DPYD: variants seen among roughly 807,000 people sequenced by gnomAD.
DPYD encodes dihydropyrimidine dehydrogenase.
DPYD carries 109 observed loss-of-function variants against 116.2 expected under a neutral mutation model. The observed-to-expected ratio is 0.94, with a 90% CI of 0.80 to 1.10. DPYD has a LOEUF of 1.10. DPYD is among the 50% of genes least tolerant of loss of function. DPYD has a pLI of 0.00. For synonymous variants in DPYD, 440 were observed against 432.0 expected, an observed-to-expected ratio of 1.02 and a Z score of -0.23; for missense variants, 1,302 against 1,254.5, an observed-to-expected ratio of 1.04 and a Z score of -0.57.
chr1:97,694,461 CTTAGGACT>C (rs1661190033), intron 6 of DPYD, among the ~76,000 whole-genome samples: 1 of 152,140 alleles, frequency 6.6e-6, no homozygotes. Context: ...GGGGAAATGT[CTTAGGACT>C]TTAAAATATC....
chr1:97,886,270 C>G (rs150857637), intron 1 of DPYD, among the ~76,000 whole-genome samples: 31 of 152,140 alleles, frequency 2.0e-4, no homozygotes, highest in South Asian at 4.1e-4. Flanking sequence ...ATGGTATCTC[C>G]CAGAGAGGGG....
At chr1:97,777,709 C>G (rs1353948234) in intron 3 of DPYD, among the ~76,000 whole-genome samples, 1 of 152,094 alleles carries the variant, frequency 6.6e-6, no homozygotes, top group East Asian at 1.9e-4. Context: ...TTTAAAAATG[C>G]TTTAATGTTG....
At chr1:97,235,774 G>T (rs1000519735) in intron 18 of DPYD, among the ~76,000 whole-genome samples, 1 of 152,080 alleles carries the variant, frequency 6.6e-6, no homozygotes, top group East Asian at 1.9e-4. Context: ...AAAAAGGCAA[G>T]GTGCTGATGA....
intron 14 of DPYD, among the ~76,000 whole-genome samples, chr1:97,390,504 A>C (rs1401096769): frequency 6.6e-6 from 1 of 152,062 alleles, no homozygotes; most frequent in African/African-American, 2.4e-5. Flanking sequence ...GATTGGTGCA[A>C]TATTCCTGAA....
intron 12 of DPYD, among the ~76,000 whole-genome samples, chr1:97,547,127 G>T (rs1650955253): frequency 2.0e-5 from 3 of 152,042 alleles, no homozygotes; most frequent in Admixed American, 1.3e-4. Context: ...GCAGTGCCTT[G>T]GTACAACCTG....
intron 3 of DPYD, among the ~76,000 whole-genome samples, chr1:97,757,848 G>A (rs1665334168): frequency 6.6e-6 from 1 of 152,182 alleles, no homozygotes; most frequent in South Asian, 2.1e-4. Context: ...CCAAGGGGAT[G>A]TAGATGGTAC....
intron 13 of DPYD, among the ~76,000 whole-genome samples, chr1:97,456,349 T>C (rs957785971): frequency 1.3e-5 from 2 of 152,056 alleles, no homozygotes; most frequent in African/African-American, 4.8e-5. Flanking sequence ...CACACAAATA[T>C]GCAACTATAC....
At chr1:97,804,061 T>C (rs1667963432) in intron 3 of DPYD, among the ~76,000 whole-genome samples, 1 of 151,838 alleles carries the variant, frequency 6.6e-6, no homozygotes, top group African/African-American at 2.4e-5. Context: ...TGAAATTTCA[T>C]TTCTAGTGAA....
intron 18 of DPYD, among the ~76,000 whole-genome samples, chr1:97,241,141 T>C (rs1323517351): frequency 6.6e-6 from 1 of 152,110 alleles, no homozygotes; most frequent in Non-Finnish European, 1.5e-5. Context: ...GCTATGTTTT[T>C]CTGCTTCATA....
At chr1:97,283,385 T>C (rs1248348729) in intron 18 of DPYD, among the ~76,000 whole-genome samples, 1 of 152,080 alleles carries the variant, frequency 6.6e-6, no homozygotes, top group Non-Finnish European at 1.5e-5. Flanking sequence ...AATTTTGAAA[T>C]TGGTTTAAAT....
intron 14 of DPYD, among the ~76,000 whole-genome samples, chr1:97,407,465 C>T (rs1673729384): frequency 6.6e-6 from 1 of 152,140 alleles, no homozygotes; most frequent in Non-Finnish European, 1.5e-5. Context: ...GTGTCTTAGG[C>T]AACGGATGGC....
intron 14 of DPYD, among the ~76,000 whole-genome samples, chr1:97,412,733 T>C (rs932557804): frequency 2.6e-5 from 4 of 152,202 alleles, no homozygotes; most frequent in African/African-American, 9.6e-5. Context: ...ATAAAATCTA[T>C]AGCACTGATT....
chr1:97,476,793 A>G (rs1216362767), intron 13 of DPYD, among the ~76,000 whole-genome samples: 2 of 152,180 alleles, frequency 1.3e-5, no homozygotes, highest in African/African-American at 2.4e-5. Context: ...CTGCAGGTTC[A>G]GTTCCAGACC....
intron 18 of DPYD, among the ~76,000 whole-genome samples, chr1:97,248,508 T>C (rs1662873418): frequency 6.6e-6 from 1 of 152,198 alleles, no homozygotes; most frequent in South Asian, 2.1e-4. Flanking sequence ...CTGATGTATG[T>C]CTTTATTAGC....
At chr1:97,494,759 C>T (rs1197418498) in intron 13 of DPYD, among the ~76,000 whole-genome samples, 1 of 148,568 alleles carries the variant, frequency 6.7e-6, no homozygotes, top group Non-Finnish European at 1.5e-5. Context: ...AAAACACACA[C>T]ACACACACAC....
At chr1:97,590,933 A>G (rs762658971) in intron 10 of DPYD, among the ~76,000 whole-genome samples, 3 of 152,164 alleles carry the variant, frequency 2.0e-5, no homozygotes, top group Non-Finnish European at 4.4e-5. Flanking sequence ...CAGCCCAGTG[A>G]TTTTTCTCTT....
At position 97,117,495 on chromosome 1, in the gene DPYD, G is replaced by A. The variant is rs1199388407; in HGVS notation, c.2623-18863C>T. On this transcript the variant is annotated intron_variant, in intron 20 of 22. Coordinates refer to ENST00000370192, the MANE Select transcript of DPYD (RefSeq NM_000110.4). ...TGTACTAATTCAACCTATTTCCTAAGGTTTACCCACATTCATTCTATAAAG... is the reference window on the plus strand; with the variant it reads ...TGTACTAATTCAACCTATTTCCTAAAGTTTACCCACATTCATTCTATAAAG... Among the ~76,000 whole-genome samples, 8 of 152,218 alleles carry A rather than the reference G, an allele frequency of 5.3e-5. No homozygotes were observed. In the East Asian group the frequency reaches 1.4e-3, roughly 26 times the overall value.
intron 20 of DPYD, among the ~76,000 whole-genome samples, chr1:97,187,415 T>C (rs1330893978): frequency 6.6e-6 from 1 of 152,152 alleles, no homozygotes; most frequent in African/African-American, 2.4e-5. Context: ...TACTTTTTAA[T>C]AGGGGTTACT....
intron 12 of DPYD, among the ~76,000 whole-genome samples, chr1:97,520,730 G>A (rs1330635969): frequency 6.6e-6 from 1 of 151,968 alleles, no homozygotes; most frequent in African/African-American, 2.4e-5. Flanking sequence ...GTGGTGTTTG[G>A]TTCTCTGTTC....
Sources: gnomAD v4.1 joint callset for allele counts (sites outside exome capture counted in the v4.1 genomes callset) on GRCh38, gnomAD v4.1.1 for gene constraint, MANE v1.5 for transcripts, NCBI Gene and HGNC (gene_info 2026-07-23, HGNC 2026-07-21) for gene names.